The following CFAP95 variants were observed in gnomAD, a reference collection of about 807,000 sequenced individuals.
The protein encoded by CFAP95 is cilia and flagella associated protein 95, also known as cilia- and flagella-associated protein 95.
the CFAP95 span, among the ~76,000 whole-genome samples, chr9:69,868,021 C>T: frequency 3.3e-5 from 5 of 152,122 alleles, no homozygotes; most frequent in Non-Finnish European, 7.4e-5. Flanking sequence ...TTGAAACAAC[C>T]TTCATATCTC....
chr9:69,900,599 A>T, the CFAP95 span, among the ~76,000 whole-genome samples: 1 of 152,158 alleles, frequency 6.6e-6, no homozygotes, highest in Admixed American at 6.5e-5. Flanking sequence ...TTCCATTCCC[A>T]TAGACACTGT....
At chr9:69,848,270 A>G in the CFAP95 span, among the ~76,000 whole-genome samples, 1 of 152,336 alleles carries the variant, frequency 6.6e-6, no homozygotes, top group East Asian at 1.9e-4. Context: ...CATGGGGAAG[A>G]AGAAAATGAC....
At chr9:69,876,567 T>C in the CFAP95 span, among the ~76,000 whole-genome samples, 1 of 152,076 alleles carries the variant, frequency 6.6e-6, no homozygotes, top group African/African-American at 2.4e-5. Flanking sequence ...AAAAAATTAA[T>C]TCTGTTATTA....
At chr9:69,824,756 G>C in the CFAP95 span, among the ~76,000 whole-genome samples, 7 of 152,134 alleles carry the variant, frequency 4.6e-5, no homozygotes, top group Admixed American at 4.6e-4. Flanking sequence ...GTTATGTAAG[G>C]TGTTTTTAAA....
the CFAP95 span, among the ~76,000 whole-genome samples, chr9:69,892,933 A>G: frequency 4.0e-4 from 61 of 152,250 alleles, no homozygotes; most frequent in African/African-American, 1.4e-3. Flanking sequence ...AATGCTCCAC[A>G]TTCACCATCT....
the CFAP95 span, chr9:69,886,883 T>A: frequency 6.2e-7 from 1 of 1,612,676 alleles, no homozygotes; most frequent in Non-Finnish European, 8.5e-7. Context: ...CACCATATGA[T>A]TATCAGCCAC....
At chr9:69,822,489 C>T in the CFAP95 span, among the ~76,000 whole-genome samples, 2 of 152,320 alleles carry the variant, frequency 1.3e-5, no homozygotes, top group Admixed American at 1.3e-4. Flanking sequence ...AACAGAACAT[C>T]CTCTTTTAGC....
chr9:69,883,215 G>A, the CFAP95 span, among the ~76,000 whole-genome samples: 1 of 152,086 alleles, frequency 6.6e-6, no homozygotes. Context: ...ACCTGAGAGG[G>A]GCTTCTGGCC....
chr9:69,899,040 G>A, the CFAP95 span, among the ~76,000 whole-genome samples: 1 of 152,080 alleles, frequency 6.6e-6, no homozygotes, highest in African/African-American at 2.4e-5. Flanking sequence ...TTCTGCATAA[G>A]CCTTTGTGCA....
chr9:69,863,895 G>GA, the CFAP95 span, among the ~76,000 whole-genome samples: 7 of 152,036 alleles, frequency 4.6e-5, no homozygotes, highest in South Asian at 2.1e-4. Flanking sequence ...AAAAAGGAAG[G>GA]AAAAAAATAT....
At chr9:69,866,389 A>T in the CFAP95 span, among the ~76,000 whole-genome samples, 1 of 152,102 alleles carries the variant, frequency 6.6e-6, no homozygotes, top group Admixed American at 6.6e-5. Flanking sequence ...TGATGGTGTA[A>T]CTCCTGGTTC....
chr9:69,861,898 A>G, the CFAP95 span, among the ~76,000 whole-genome samples: 1 of 152,138 alleles, frequency 6.6e-6, no homozygotes, highest in African/African-American at 2.4e-5. Context: ...AACCTCCTCT[A>G]GAGGACCTTC....
the CFAP95 span, among the ~76,000 whole-genome samples, chr9:69,828,239 C>T: frequency 6.6e-6 from 1 of 152,110 alleles, no homozygotes. Flanking sequence ...CCTAATTTTT[C>T]CCAAAGCAAA....
At chr9:69,832,004 A>G in the CFAP95 span, among the ~76,000 whole-genome samples, 1 of 152,228 alleles carries the variant, frequency 6.6e-6, no homozygotes, top group Non-Finnish European at 1.5e-5. Context: ...ACTAACATGT[A>G]TCTAGCGTCA....
At chr9:69,875,245 G>A in the CFAP95 span, among the ~76,000 whole-genome samples, 1 of 151,888 alleles carries the variant, frequency 6.6e-6, no homozygotes, top group East Asian at 1.9e-4. Flanking sequence ...GAAGGAGAAG[G>A]CAATCACAAA....
At chr9:69,866,245 TGAG>T in the CFAP95 span, among the ~76,000 whole-genome samples, 5 of 152,196 alleles carry the variant, frequency 3.3e-5, no homozygotes, top group Admixed American at 2.6e-4. Context: ...ATGATATGTA[TGAG>T]GAGATTTATC....
chr9:69,900,908 C>T, the CFAP95 span, among the ~76,000 whole-genome samples: 1 of 152,064 alleles, frequency 6.6e-6, no homozygotes, highest in Non-Finnish European at 1.5e-5. Context: ...GGTACATGTG[C>T]ACAACGTGCA....
the CFAP95 span, chr9:69,820,996 C>G: frequency 1.2e-6 from 2 of 1,613,904 alleles, no homozygotes; most frequent in Non-Finnish European, 1.7e-6. Context: ...GCTCCCATCA[C>G]AAGAAATACT....
the CFAP95 span, among the ~76,000 whole-genome samples, chr9:69,856,280 T>C: frequency 2.0e-5 from 3 of 152,120 alleles, no homozygotes; most frequent in African/African-American, 7.2e-5. Flanking sequence ...AAGAAGGAAA[T>C]AGAAAGTAGG....
Sources: allele counts gnomAD v4.1 joint callset (sites outside exome capture counted in the v4.1 genomes callset), GRCh38; gene constraint gnomAD v4.1.1; transcripts MANE v1.5; gene names NCBI Gene and HGNC (gene_info 2026-07-23, HGNC 2026-07-21).